Variants in IQSEC3 observed in about 807,000 individuals in gnomAD.
IQSEC3 encodes IQ motif and Sec7 domain ArfGEF 3, also known as IQ motif and SEC7 domain-containing protein 3.
A neutral mutation model predicts 105.4 loss-of-function variants in IQSEC3; 50 were observed. The ratio of observed to expected loss-of-function variants is 0.47; its 90% CI spans 0.38 to 0.60. The LOEUF is 0.60. Ranked by LOEUF, IQSEC3 falls within the 20% of genes least tolerant of loss-of-function variation. The pLI, the probability that IQSEC3 is intolerant of heterozygous loss-of-function variation, is 0.00. For missense variants in IQSEC3, 1,415 were observed against 1,630.0 expected (o/e 0.87, Z 2.27); for synonymous variants, 708 against 746.0 (o/e 0.95, Z 0.83).
At chr12:151,727 T>G (rs1480715059) in intron 5 of IQSEC3, among the ~76,000 whole-genome samples, 1 of 152,106 alleles carries the variant, frequency 6.6e-6, no homozygotes, top group Non-Finnish European at 1.5e-5. Context: ...TGCCCCACAG[T>G]CACCATTCTC....
chr12:170,583 G>A (rs943861938), intron 12 of IQSEC3, among the ~76,000 whole-genome samples: 4 of 152,236 alleles, frequency 2.6e-5, no homozygotes, highest in South Asian at 2.1e-4. Flanking sequence ...GTGGGGGTCC[G>A]CAGGGCCCCT....
intron 1 of IQSEC3, among the ~76,000 whole-genome samples, chr12:70,549 CCTT>C (rs1279494075): frequency 1.3e-5 from 2 of 152,284 alleles, no homozygotes; most frequent in Non-Finnish European, 2.9e-5. Context: ...GCTTCCTCCT[CCTT>C]ATTTTTTCAA....
chr12:113,124 G>C (rs1864947006), intron 2 of IQSEC3, among the ~76,000 whole-genome samples: 1 of 152,136 alleles, frequency 6.6e-6, no homozygotes, highest in Admixed American at 6.5e-5. Context: ...CATGCTGGCA[G>C]CTCTTAGCGT....
chr12:105,059 G>T (rs1864598298), intron 2 of IQSEC3, among the ~76,000 whole-genome samples: 1 of 152,242 alleles, frequency 6.6e-6, no homozygotes, highest in Admixed American at 6.5e-5. Context: ...CGGTACAGCC[G>T]CGTCCTCTTT....
chr12:87,978 C>T (rs550375167), intron 1 of IQSEC3, among the ~76,000 whole-genome samples: 23 of 152,296 alleles, frequency 1.5e-4, no homozygotes, highest in African/African-American at 3.1e-4. Flanking sequence ...CAGGCTTCAC[C>T]GAAAGGAGGA....
chr12:124,122 C>A (rs1460134809), intron 2 of IQSEC3, among the ~76,000 whole-genome samples: 1 of 152,094 alleles, frequency 6.6e-6, no homozygotes, highest in African/African-American at 2.4e-5. Context: ...CACAGTGGCT[C>A]ACACCTGTAA....
Position 175,222 on chromosome 12 carries a change from C to A in IQSEC3, c.*189C>A. 8 of 572,180 alleles carry A rather than the reference C, an allele frequency of 1.4e-5. No individual in the cohort carries two copies. The highest frequency in any genetic ancestry group is 1.2e-4 in the South Asian group (5 of 40,162). 35.4% of individuals were successfully genotyped at this position (572,180 alleles called of 1,614,324 possible). A position where few individuals can be genotyped will look rare whatever the true frequency, so the allele number is the denominator to read the frequency against. ...ACCATCCTTCCCTTTCTCAGCTGCA[C>A]CCCCTCTGCAGATCTGAAGACACAC... On this transcript the variant is annotated 3_prime_UTR_variant, in exon 14 of 14. Coordinates refer to ENST00000538872, the MANE Select transcript of IQSEC3 (RefSeq NM_001170738.2).
intron 7 of IQSEC3, among the ~76,000 whole-genome samples, chr12:159,229 C>A (rs782688224): frequency 1.4e-4 from 21 of 152,220 alleles, no homozygotes; most frequent in Non-Finnish European, 2.4e-4. Flanking sequence ...ACTTCCCACC[C>A]TACGTATCAA....
intron 1 of IQSEC3, among the ~76,000 whole-genome samples, chr12:97,974 C>T (rs1221407254): frequency 6.6e-6 from 1 of 152,162 alleles, no homozygotes; most frequent in African/African-American, 2.4e-5. Context: ...TGCCCCTTCC[C>T]CCAGCCATGG....
At chr12:100,095 G>A (rs1289961892) in intron 2 of IQSEC3, among the ~76,000 whole-genome samples, 1 of 152,104 alleles carries the variant, frequency 6.6e-6, no homozygotes, top group Non-Finnish European at 1.5e-5. Context: ...CTCCTGTTAT[G>A]GAGTGAATTT....
In IQSEC3 at chr12:138,150, GC is replaced by G; in HGVS notation, c.904-112del. ...TTTAGCTGCCCAGGAGCGCCCCCCCGCCCCCGTCCATTCCTGGGCCCCACCC... is the reference window on the plus strand; with the variant it reads ...TTTAGCTGCCCAGGAGCGCCCCCCCGCCCCGTCCATTCCTGGGCCCCACCC... On this transcript the variant is annotated intron_variant, in intron 3 of 13. Transcript: ENST00000538872. This position sits in a 1 kb window ranked among gnomAD's most constrained non-coding sequence, Gnocchi z 7.1. 1 of 774,312 alleles carries G rather than the reference GC, an allele frequency of 1.3e-6. No individual in the cohort carries two copies. The highest frequency in any genetic ancestry group is 2.0e-6 in the Non-Finnish European group (1 of 489,108). The allele number at this position is 774,312 out of a possible 1,614,324, so 48.0% of individuals were successfully genotyped here.
chr12:99,214 G>A lies in IQSEC3; in HGVS notation c.623G>A (p.Ser208Asn), dbSNP rs1555075497. The change falls in exon 2 of 14, where the codon AGT becomes AAT. Residue 208 changes from serine to asparagine, a missense_variant and splice_region_variant. This residue lies in a region of IQSEC3 where 720 missense variants were observed against 633.0 expected (regional missense o/e 1.14). Transcript: ENST00000538872. ...GCCTGCTCCGACCTGGCCTCCCAAA[G>A]GTGGGAACTGTGGCCCTTCCTCCCT... The part of the protein sequence containing the change: ...ADACSDLASQ[S>N]DGSCTQAGGG... 1 of 1,598,342 alleles carries A rather than the reference G, an allele frequency of 6.3e-7. No individual in the cohort carries two copies. Among genetic ancestry groups the A allele is most frequent in the Non-Finnish European group, 8.5e-7 (1 of 1,179,528 alleles).
chr12:154,274 C>T (rs1053425059), intron 5 of IQSEC3, among the ~76,000 whole-genome samples: 16 of 148,964 alleles, frequency 1.1e-4, no homozygotes, highest in Non-Finnish European at 2.2e-4. Context: ...ACTAGGCCAT[C>T]GTGCTTGGCT....
intron 1 of IQSEC3, among the ~76,000 whole-genome samples, chr12:79,370 ACTT>A (rs1863668642): frequency 6.6e-6 from 1 of 152,190 alleles, no homozygotes; most frequent in African/African-American, 2.4e-5. Context: ...GGCCACCTGT[ACTT>A]GTACAGGTGG....
At chr12:156,831 G>T in intron 5 of IQSEC3, among the ~76,000 whole-genome samples, 194 bp from the exon 6 acceptor site, 1 of 152,166 alleles carries the variant, frequency 6.6e-6, no homozygotes, top group East Asian at 1.9e-4. Flanking sequence ...TGGCCTCAGG[G>T]TTTGGGTTCC....
chr12:167,712 A>G (rs905554970), intron 11 of IQSEC3: 16 of 152,194 alleles, frequency 1.1e-4, no homozygotes, highest in Non-Finnish European at 1.9e-4. Flanking sequence ...TCGTCTCTAC[A>G]AAAAAGAAAA....
At chr12:148,909 A>C (rs549776140) in intron 5 of IQSEC3, 1 of 152,108 alleles carries the variant, frequency 6.6e-6, no homozygotes, top group South Asian at 2.1e-4. Flanking sequence ...GCTCCCAACC[A>C]GTTCCTTTGT....
At chr12:99,570 G>C (rs572013509) in intron 2 of IQSEC3, among the ~76,000 whole-genome samples, 3 of 152,236 alleles carry the variant, frequency 2.0e-5, no homozygotes, top group African/African-American at 7.2e-5. Flanking sequence ...AGTGGTGTGC[G>C]CTCAGCCCAT....
intron 1 of IQSEC3, among the ~76,000 whole-genome samples, chr12:84,175 G>A (rs1863843448): frequency 6.6e-6 from 1 of 152,228 alleles, no homozygotes; most frequent in African/African-American, 2.4e-5. Context: ...AAGGCTGGTG[G>A]CATCGTGCCC....
Sources: allele counts gnomAD v4.1 joint callset (sites outside exome capture counted in the v4.1 genomes callset), GRCh38; gene constraint gnomAD v4.1.1; regional missense constraint gnomAD v4.1.1; non-coding constraint Gnocchi (gnomAD v3.1); transcripts MANE v1.5; gene names NCBI Gene and HGNC (gene_info 2026-07-23, HGNC 2026-07-21).